CDC42BPA: variants seen among roughly 807,000 people sequenced by gnomAD.
The protein encoded by CDC42BPA is serine/threonine-protein kinase MRCK alpha.
In CDC42BPA, 80 loss-of-function variants were observed where a neutral mutation model predicts 223.5. That is an observed-to-expected ratio of 0.36 (90% CI 0.30 to 0.43). The LOEUF (loss-of-function observed/expected upper bound fraction) is 0.43. Among genes scored for constraint, CDC42BPA ranks in the 20% least tolerant of loss-of-function variants. The pLI, the probability that CDC42BPA is intolerant of heterozygous loss-of-function variation, is 1.00. For missense variants in CDC42BPA, 1,743 were observed against 2,099.9 expected, an observed-to-expected ratio of 0.83 and a Z score of 3.32; for synonymous variants, 694 against 718.6, an observed-to-expected ratio of 0.97 and a Z score of 0.55.
At position 227,317,363 on chromosome 1, in the gene CDC42BPA, G is replaced by C; in HGVS notation, c.-181C>G. 2 of 559,254 alleles carry C rather than the reference G, an allele frequency of 3.6e-6. No individual in the cohort carries two copies. The highest frequency in any genetic ancestry group is 5.9e-5 in the East Asian group (2 of 33,978). The allele number at this position is 559,254 out of a possible 1,614,324, so 34.6% of individuals were successfully genotyped here. A position where few individuals can be genotyped will look rare whatever the true frequency, so the allele number is the denominator to read the frequency against. On this transcript the variant is annotated 5_prime_UTR_variant, in exon 1 of 37. Transcript: ENST00000366766. Reference sequence around the variant, plus strand: ...ACCAGTAACCTCACTTAACTGAAGCGTCTTCAATTTCACCCATATACATAT... The same window carrying C: ...ACCAGTAACCTCACTTAACTGAAGCCTCTTCAATTTCACCCATATACATAT...
chr1:227,144,216 T>C (rs924570288), intron 8 of CDC42BPA, among the ~76,000 whole-genome samples: 15 of 152,238 alleles, frequency 9.9e-5, no homozygotes, highest in African/African-American at 3.4e-4. Context: ...AACATAAAAA[T>C]TTTTAGTACA....
intron 24 of CDC42BPA, among the ~76,000 whole-genome samples, chr1:227,037,675 A>G (rs964967035): frequency 6.6e-6 from 1 of 152,242 alleles, no homozygotes; most frequent in Non-Finnish European, 1.5e-5. Flanking sequence ...CAGAAGAGAC[A>G]GGAAATGGCA....
intron 10 of CDC42BPA, among the ~76,000 whole-genome samples, chr1:227,129,666 CAAAAAAAAAAA>C (rs569879499): frequency 1.8e-4 from 6 of 33,918 alleles, no homozygotes; most frequent in East Asian, 2.8e-3. Context: ...GACTGTATCT[CAAAAAAAAAAA>C]AAAAAAAAAA....
At chr1:227,090,656 C>A (rs1160306542) in intron 16 of CDC42BPA, among the ~76,000 whole-genome samples, 5 of 151,978 alleles carry the variant, frequency 3.3e-5, no homozygotes, top group Non-Finnish European at 7.4e-5. Context: ...ACTAAAAGTA[C>A]AAACATTAGC....
intron 5 of CDC42BPA, among the ~76,000 whole-genome samples, chr1:227,165,334 A>G (rs1238563103): frequency 1.3e-5 from 2 of 152,216 alleles, no homozygotes; most frequent in Non-Finnish European, 2.9e-5. Flanking sequence ...AAGGAAGCTG[A>G]ATTATAACTG....
intron 1 of CDC42BPA, among the ~76,000 whole-genome samples, chr1:227,279,827 T>A (rs1687721767): frequency 6.6e-6 from 1 of 152,016 alleles, no homozygotes; most frequent in African/African-American, 2.4e-5. Flanking sequence ...GAAGCCAAGG[T>A]GGGCAGATCA....
intron 17 of CDC42BPA, among the ~76,000 whole-genome samples, chr1:227,079,657 C>T (rs1680219258): frequency 1.3e-5 from 2 of 151,966 alleles, no homozygotes; most frequent in Non-Finnish European, 2.9e-5. Context: ...AATAAATTTC[C>T]ACAATCTGCA....
At chr1:227,012,540 T>C (rs931399835) in intron 34 of CDC42BPA, among the ~76,000 whole-genome samples, 10 of 152,148 alleles carry the variant, frequency 6.6e-5, no homozygotes, top group Non-Finnish European at 8.8e-5. Context: ...CAGAATTAAA[T>C]TTCTAAAGAC....
At chr1:227,200,197 G>A (rs1009296449) in intron 3 of CDC42BPA, among the ~76,000 whole-genome samples, 2 of 152,114 alleles carry the variant, frequency 1.3e-5, no homozygotes, top group Non-Finnish European at 2.9e-5. Flanking sequence ...CTGTGATGCC[G>A]AGGTGGGCAG....
intron 34 of CDC42BPA, chr1:227,010,954 G>A (rs752885340): frequency 1.1e-5 from 15 of 1,364,806 alleles, no homozygotes; most frequent in African/African-American, 1.5e-5. Flanking sequence ...GGAATCAGGA[G>A]AGAGAAATTT....
At chr1:227,114,918 A>G (rs16847107) in intron 12 of CDC42BPA, among the ~76,000 whole-genome samples, 4 of 152,024 alleles carry the variant, frequency 2.6e-5, no homozygotes, top group Non-Finnish European at 4.4e-5. Context: ...TTAAACTTAA[A>G]CTTGGTTAAT....
At chr1:227,111,226 C>A (rs780578842) in intron 14 of CDC42BPA, among the ~76,000 whole-genome samples, 1 of 152,004 alleles carries the variant, frequency 6.6e-6, no homozygotes, top group Non-Finnish European at 1.5e-5. Context: ...GAAATGGGGG[C>A]TGACAGATAT....
chr1:227,262,609 T>C (rs1558898865), intron 1 of CDC42BPA, among the ~76,000 whole-genome samples: 2 of 152,176 alleles, frequency 1.3e-5, no homozygotes, highest in African/African-American at 4.8e-5. Flanking sequence ...TAAGTATAAA[T>C]TTAAACCAAA....
chr1:227,024,872 G>T, intron 31 of CDC42BPA, among the ~76,000 whole-genome samples: 1 of 152,296 alleles, frequency 6.6e-6, no homozygotes. Context: ...GTAGGTTCAT[G>T]AGTGATCAGT....
chr1:227,296,534 C>A (rs142516003), intron 1 of CDC42BPA, among the ~76,000 whole-genome samples: 5 of 151,588 alleles, frequency 3.3e-5, no homozygotes, highest in African/African-American at 1.2e-4. Context: ...GGTGAAACCC[C>A]GCATCTACTA....
chr1:227,235,649 CCTT>C (rs1415417688), intron 2 of CDC42BPA, among the ~76,000 whole-genome samples: 2 of 152,128 alleles, frequency 1.3e-5, no homozygotes, highest in African/African-American at 4.8e-5. Flanking sequence ...CTCTCAGCCT[CCTT>C]GAGGGCTGAT....
chr1:227,223,973 C>T (rs917136134), intron 2 of CDC42BPA, among the ~76,000 whole-genome samples: 14 of 152,092 alleles, frequency 9.2e-5, no homozygotes, highest in Admixed American at 2.6e-4. Flanking sequence ...GGCTAGGCTA[C>T]GGTAGGTAGG....
At position 227,179,635 on chromosome 1, in the gene CDC42BPA, CAAAAAAAA is replaced by C. The variant is rs59744442; in HGVS notation, c.599+14143_599+14150del. On this transcript the variant is annotated intron_variant, in intron 5 of 36. Coordinates refer to ENST00000366766, the MANE Select transcript of CDC42BPA (RefSeq NM_001394014.1). ...TGGGCAACAGAGCGAGCCTCCATCT[CAAAAAAAA>C]AAAAAAAAAAAAAAAAAGCTATTTT... Among the ~76,000 whole-genome samples, 265 of 34,242 alleles carry C rather than the reference CAAAAAAAA, an allele frequency of 7.7e-3. 9 individuals carry two copies. In the East Asian group the frequency reaches 0.15, roughly 20 times the overall value. The allele number at this position is 34,242 out of a possible 152,430, so 22.5% of individuals were successfully genotyped here.
chr1:227,213,242 A>G (rs764284316), intron 2 of CDC42BPA, 23 bp from the exon 3 acceptor site: 1 of 1,208,646 alleles, frequency 8.3e-7, no homozygotes, highest in South Asian at 1.4e-5. Flanking sequence ...AAGGAAATAT[A>G]AATTTTAAAA....
Sources: gnomAD v4.1 joint callset for allele counts (sites outside exome capture counted in the v4.1 genomes callset) on GRCh38, gnomAD v4.1.1 for gene constraint, MANE v1.5 for transcripts, NCBI Gene and HGNC (gene_info 2026-07-23, HGNC 2026-07-21) for gene names.